The following SAP30BP variants were observed in gnomAD, a reference collection of about 807,000 sequenced individuals.
SAP30BP encodes SAP30 binding protein.
In SAP30BP, 31 loss-of-function variants were observed where a neutral mutation model predicts 46.3. That is an observed-to-expected ratio of 0.67 (90% CI 0.50 to 0.90). The LOEUF (loss-of-function observed/expected upper bound fraction) is 0.90, where lower values mean the gene tolerates loss of function less well. Ranked by LOEUF, SAP30BP falls within the 40% of genes least tolerant of loss-of-function variation. The pLI is 0.00. For missense variants in SAP30BP, 312 were observed against 391.0 expected (o/e 0.80, Z 1.70); for synonymous variants, 169 against 144.2 (o/e 1.17, Z -1.23).
Position 75,706,273 on chromosome 17 carries a change from C to A in SAP30BP, c.746-67C>A. ...TGCTCCCTAGACTCCCGCTGGCCTG[C>A]AGGGGGAAGGGAAAGAGGGCACCGC... is the stretch of plus-strand genomic sequence containing the variant. On this transcript the variant is annotated intron_variant, in intron 10 of 10. Transcript: ENST00000584667. This position sits in a 1 kb window ranked among gnomAD's most constrained non-coding sequence, Gnocchi z 4.6. 1 of 1,562,268 alleles carries A rather than the reference C, an allele frequency of 6.4e-7. No homozygotes were observed. The highest frequency in any genetic ancestry group is 1.1e-5 in the South Asian group (1 of 88,220).
At chr17:75,705,949 CA>C (rs2060490284) in intron 9 of SAP30BP, 58 bp from the exon 10 acceptor site, 2 of 1,603,104 alleles carry the variant, frequency 1.2e-6, no homozygotes, top group African/African-American at 1.3e-5. Context: ...TGACGGATGG[CA>C]AAAAGCTGTG....
intron 3 of SAP30BP, among the ~76,000 whole-genome samples, chr17:75,681,605 A>T (rs983602002): frequency 2.0e-5 from 3 of 152,186 alleles, no homozygotes; most frequent in Non-Finnish European, 1.5e-5. Context: ...TTGACTGCTG[A>T]TTATAGGAAG....
intron 3 of SAP30BP, among the ~76,000 whole-genome samples, chr17:75,687,112 G>A (rs1308880117): frequency 1.3e-5 from 2 of 152,166 alleles, no homozygotes; most frequent in Admixed American, 6.5e-5. Flanking sequence ...TGGGACTGTT[G>A]TGAAAAATGA....
chr17:75,673,032 G>A (rs2059930181), intron 3 of SAP30BP, among the ~76,000 whole-genome samples: 1 of 151,910 alleles, frequency 6.6e-6, no homozygotes, highest in South Asian at 2.1e-4. Flanking sequence ...TAAAATTTAG[G>A]AAATTTATGC....
chr17:75,704,154 A>G (rs1022279612), intron 8 of SAP30BP, among the ~76,000 whole-genome samples: 2 of 152,206 alleles, frequency 1.3e-5, no homozygotes, highest in African/African-American at 4.8e-5. Context: ...AATCTGGCCA[A>G]AGGGATGGGA....
intron 2 of SAP30BP, among the ~76,000 whole-genome samples, chr17:75,671,319 G>A (rs567361383): frequency 4.6e-5 from 7 of 152,212 alleles, no homozygotes; most frequent in Non-Finnish European, 7.3e-5. Flanking sequence ...GAGGTGCTGC[G>A]ATACAGCTGT....
At chr17:75,668,663 C>T in intron 2 of SAP30BP, 38 bp downstream of exon 2, 4 of 1,358,022 alleles carry the variant, frequency 2.9e-6, no homozygotes, top group Non-Finnish European at 4.2e-6. Flanking sequence ...ACTGAAAGCA[C>T]AATTTCATTT....
intron 9 of SAP30BP, 121 bp downstream of exon 9, chr17:75,704,935 T>TG: frequency 1.3e-6 from 1 of 775,706 alleles, no homozygotes; most frequent in Non-Finnish European, 2.3e-6. Flanking sequence ...CACCCGGCGA[T>TG]GCTCTGAGCC....
At chr17:75,697,605 C>A (rs1256711561) in intron 4 of SAP30BP, among the ~76,000 whole-genome samples, 1 of 152,192 alleles carries the variant, frequency 6.6e-6, no homozygotes, top group Non-Finnish European at 1.5e-5. Context: ...CCTAAAATGG[C>A]AGATTAGTGC....
At chr17:75,702,825 C>G (rs542423406) in intron 6 of SAP30BP, 1 of 348,592 alleles carries the variant, frequency 2.9e-6, no homozygotes, top group African/African-American at 2.1e-5. Context: ...GCTGAGTTCT[C>G]GTCCCTGCTC....
intron 3 of SAP30BP, 127 bp downstream of exon 3, chr17:75,671,990 G>T: frequency 2.5e-6 from 2 of 803,762 alleles, no homozygotes; most frequent in Non-Finnish European, 4.4e-6. Flanking sequence ...ACATTTTCTG[G>T]GATAAAATAA....
chr17:75,694,021 T>C (rs914421173), intron 4 of SAP30BP, among the ~76,000 whole-genome samples: 1 of 152,114 alleles, frequency 6.6e-6, no homozygotes, highest in Non-Finnish European at 1.5e-5. Flanking sequence ...AGCCTTTTAA[T>C]CCTTTTAGAA....
rs1266659302 is a variant in SAP30BP, at chr17:75,694,639, T to G, written c.307+1157T>G. Among the ~76,000 whole-genome samples, 3 of 152,138 alleles carry G rather than the reference T, an allele frequency of 2.0e-5. No homozygotes were observed. The South Asian group carries it at 6.2e-4, about 31-fold the overall frequency. On this transcript the variant is annotated intron_variant, in intron 4 of 10. Transcript: ENST00000584667. The stretch of plus-strand genomic sequence containing the variant: ...GCCGATGGCCGGCCCAAGGGGGCGA[T>G]CCACGGGTCGGGCGTGGACGGGAGC...
chr17:75,672,204 C>G, intron 3 of SAP30BP: 1 of 294,142 alleles, frequency 3.4e-6, no homozygotes, highest in South Asian at 4.1e-5. Context: ...GTTTCTAGAC[C>G]CAGGAAGGTG....
intron 4 of SAP30BP, among the ~76,000 whole-genome samples, chr17:75,695,735 A>G (rs754049867): frequency 9.9e-5 from 15 of 152,260 alleles, no homozygotes; most frequent in African/African-American, 2.4e-4. Flanking sequence ...GTGTCCATGC[A>G]TGTAGACAGC....
intron 3 of SAP30BP, among the ~76,000 whole-genome samples, chr17:75,688,098 T>A (rs935037548): frequency 1.3e-5 from 2 of 152,154 alleles, no homozygotes; most frequent in Admixed American, 6.6e-5. Flanking sequence ...AAGGCTTCCC[T>A]GGGCTGGGCT....
Position 75,703,798 on chromosome 17 carries a change from T to G in SAP30BP, c.550-10T>G. 6.2e-7 allele frequency: 1 copy of G among 1,613,028 alleles called. No individual in the cohort carries two copies. Among genetic ancestry groups the G allele is most frequent in the Non-Finnish European group, 8.5e-7 (1 of 1,178,946 alleles). On this transcript the variant is annotated splice_polypyrimidine_tract_variant and intron_variant, in intron 7 of 10. Transcript: ENST00000584667. ...TTTGTCATCTGAGTCATTCGCCTTT[T>G]CCTTTGCAGGATATGTTTGATCCCC...
At chr17:75,694,649 G>T (rs60938340) in intron 4 of SAP30BP, among the ~76,000 whole-genome samples, 15 of 152,302 alleles carry the variant, frequency 9.8e-5, no homozygotes, top group South Asian at 2.1e-4. Context: ...TCCACGGGTC[G>T]GGCGTGGACG....
intron 3 of SAP30BP, chr17:75,684,039 A>G (rs987130426): frequency 1.3e-5 from 2 of 152,226 alleles, no homozygotes; most frequent in African/African-American, 4.8e-5. Context: ...TGGCTTACCC[A>G]GTGGTTGAAC....
Sources: gnomAD v4.1 joint callset for allele counts (sites outside exome capture counted in the v4.1 genomes callset) on GRCh38, gnomAD v4.1.1 for gene constraint, Gnocchi (gnomAD v3.1) non-coding constraint, MANE v1.5 for transcripts, NCBI Gene and HGNC (gene_info 2026-07-23, HGNC 2026-07-21) for gene names.